Variants in ZNF317 observed in about 807,000 individuals in gnomAD.
ZNF317 encodes the protein zinc finger protein 317, also known as KRAB-containing zinc finger protein 317.
A neutral mutation model predicts 23.4 loss-of-function variants in ZNF317; 17 were observed. The ratio of observed to expected loss-of-function variants is 0.73; its 90% CI spans 0.50 to 1.09. The LOEUF is 1.09. Among genes scored for constraint, ZNF317 ranks in the 50% least tolerant of loss-of-function variants. The pLI, the probability that ZNF317 is intolerant of heterozygous loss-of-function variation, is 0.00. For missense variants in ZNF317, 679 were observed against 796.7 expected, an observed-to-expected ratio of 0.85 and a Z score of 1.78; for synonymous variants, 317 against 314.9, an observed-to-expected ratio of 1.01 and a Z score of -0.07.
At chr19:9,152,474 TG>T (rs1309234380) in intron 1 of ZNF317, among the ~76,000 whole-genome samples, 1 of 152,214 alleles carries the variant, frequency 6.6e-6, no homozygotes, top group Non-Finnish European at 1.5e-5. Flanking sequence ...ACATTACCCC[TG>T]AACTCCACCT....
At chr19:9,148,786 A>G (rs2050710356) in intron 1 of ZNF317, among the ~76,000 whole-genome samples, 2 of 152,360 alleles carry the variant, frequency 1.3e-5, no homozygotes, top group African/African-American at 4.8e-5. Flanking sequence ...TGGAGGAGAC[A>G]GCAGAGAGAT....
chr19:9,145,803 A>G (rs1162943315), intron 1 of ZNF317, among the ~76,000 whole-genome samples: 2 of 152,104 alleles, frequency 1.3e-5, no homozygotes, highest in African/African-American at 2.4e-5. Context: ...CTTCCCTTGC[A>G]TTTATTGCTA....
intron 1 of ZNF317, among the ~76,000 whole-genome samples, chr19:9,146,631 T>C (rs1248199960): frequency 1.3e-5 from 2 of 151,604 alleles, no homozygotes; most frequent in African/African-American, 4.8e-5. Context: ...GGTTTCACCA[T>C]GTTGGCCAGG....
chr19:9,142,963 A>T lies in ZNF317; in HGVS notation c.-93+2371A>T, dbSNP rs142957271. Among the ~76,000 whole-genome samples the T allele has an allele frequency of 6.1e-3, 933 of 152,332 alleles. 12 individuals carry two copies. The highest frequency in any genetic ancestry group is 0.022 in the African/African-American group (907 of 41,576). On this transcript the variant is annotated intron_variant, in intron 1 of 6. Transcript: ENST00000247956. ...TTTTCTAAACTCTGGAATGTTTTGC[A>T]TAAGAATAGAATATTTTGTTCCTTA...
intron 4 of ZNF317, chr19:9,157,727 C>G: frequency 1.4e-6 from 1 of 698,398 alleles, no homozygotes; most frequent in Non-Finnish European, 2.0e-6. Context: ...AGGGTTCTCA[C>G]TATGTTGCCC....
intron 1 of ZNF317, among the ~76,000 whole-genome samples, chr19:9,147,438 T>G (rs2050695631): frequency 6.6e-6 from 1 of 150,838 alleles, no homozygotes; most frequent in South Asian, 2.1e-4. Context: ...CTCCTGGGTT[T>G]CACACCATTC....
chr19:9,142,173 T>C (rs1285832026), intron 1 of ZNF317, among the ~76,000 whole-genome samples: 3 of 152,238 alleles, frequency 2.0e-5, no homozygotes, highest in African/African-American at 7.2e-5. Context: ...TCTTGGGAAC[T>C]TTGTTTTTTG....
intron 5 of ZNF317, among the ~76,000 whole-genome samples, chr19:9,158,363 CTTTTTTTTTTTTTTTTTT>C (rs200591339): frequency 1.7e-4 from 13 of 76,536 alleles, no homozygotes; most frequent in Non-Finnish European, 2.3e-4. Context: ...TTTCTTTTTT[CTTTTTTTTTTTTTTTTTT>C]TTTTTTTTTT....
Position 9,161,737 on chromosome 19 carries a change from G to T in ZNF317, c.*304G>T. 1 of 327,082 alleles carries T rather than the reference G, an allele frequency of 3.1e-6. No homozygotes were observed. The highest frequency in any genetic ancestry group is 5.7e-6 in the Non-Finnish European group (1 of 176,912). The allele number at this position is 327,082 out of a possible 1,614,324, so 20.3% of individuals were successfully genotyped here. A position where few individuals can be genotyped will look rare whatever the true frequency, so the allele number is the denominator to read the frequency against. On this transcript the variant is annotated 3_prime_UTR_variant, in exon 7 of 7. Coordinates refer to ENST00000247956, the MANE Select transcript of ZNF317 (RefSeq NM_020933.5). This position sits in a 1 kb window ranked among gnomAD's most constrained non-coding sequence, Gnocchi z 4.0. ...GGCATTTAATGTCAAAATCCAAGCC[G>T]TGGCATTTAATGTCAAAATGACTTC...
At chr19:9,145,748 A>G (rs1179052480) in intron 1 of ZNF317, among the ~76,000 whole-genome samples, 1 of 152,050 alleles carries the variant, frequency 6.6e-6, no homozygotes. Context: ...TTCTGCCCCC[A>G]CGTGGTTCTT....
intron 1 of ZNF317, among the ~76,000 whole-genome samples, chr19:9,150,049 A>G (rs913643813): frequency 6.6e-6 from 1 of 152,126 alleles, no homozygotes; most frequent in Non-Finnish European, 1.5e-5. Flanking sequence ...AAGGCTTTTG[A>G]CTTGAGCCCC....
At chr19:9,157,681 C>CTTTTTTTTT (rs566513253) in intron 4 of ZNF317, 12 of 346,344 alleles carry the variant, frequency 3.5e-5, no homozygotes, top group South Asian at 9.5e-5. Context: ...TTTCCTATTT[C>CTTTTTTTTT]TTTTTTTTTT....
In ZNF317 at chr19:9,162,332, T is replaced by G. The variant is rs971007956; in HGVS notation, c.*899T>G. 6.6e-6 allele frequency: 1 copy of G among 152,206 alleles called. No homozygotes were observed. The highest frequency in any genetic ancestry group is 1.5e-5 in the Non-Finnish European group (1 of 68,032). The allele number at this position is 152,206 out of a possible 1,614,324, so 9.4% of individuals were successfully genotyped here. ...TTGAAAATAATCATGCAGTCATTCC[T>G]CAATTACTGCCTGCAGCAATTCCTC... is the stretch of plus-strand genomic sequence containing the variant. On this transcript the variant is annotated 3_prime_UTR_variant, in exon 7 of 7. Transcript: ENST00000247956.
rs763229027 is a variant in ZNF317, at chr19:9,160,716, G to A, written c.1071G>A (p.Thr357=). Residue 357 remains threonine, a synonymous_variant, in exon 7 of 7, where the codon ACG becomes ACA. Coordinates refer to ENST00000247956, the MANE Select transcript of ZNF317 (RefSeq NM_020933.5). The surrounding 1 kb of genome is among the most constrained non-coding windows in gnomAD (Gnocchi z 6.8). ...SHLKEHVRNH[T]GEKPYACTQC... ...TCAAAGAGCACGTGAGGAATCACAC[G>A]GGGGAGAAGCCCTACGCGTGCACGC... is the stretch of plus-strand genomic sequence containing the variant. The A allele has an allele frequency of 3.7e-6, 6 of 1,614,108 alleles. No homozygotes were observed. The highest frequency in any genetic ancestry group is 2.2e-5 in the East Asian group (1 of 44,854).
intron 1 of ZNF317, among the ~76,000 whole-genome samples, chr19:9,150,843 G>A (rs922300682): frequency 6.6e-6 from 1 of 152,216 alleles, no homozygotes; most frequent in Non-Finnish European, 1.5e-5. Flanking sequence ...GAGGCAACAA[G>A]ATGTGGCTCC....
chr19:9,157,422 T>C (rs770439800), intron 4 of ZNF317, 28 bp downstream of exon 4: 5 of 1,613,280 alleles, frequency 3.1e-6, no homozygotes, highest in East Asian at 2.2e-5. Flanking sequence ...TCTCCACTTA[T>C]TCATCCATGA....
intron 6 of ZNF317, among the ~76,000 whole-genome samples, chr19:9,159,721 A>G (rs887327928): frequency 6.6e-6 from 1 of 151,332 alleles, no homozygotes; most frequent in Non-Finnish European, 1.5e-5. Flanking sequence ...TAATTTTTGT[A>G]TTTTTAGTAG....
chr19:9,157,927 G>A, intron 4 of ZNF317, 53 bp from the exon 5 acceptor site: 1 of 1,537,228 alleles, frequency 6.5e-7, no homozygotes, highest in Non-Finnish European at 8.8e-7. Context: ...CTACTGGAAG[G>A]GGTTGTCCTC....
At chr19:9,146,853 G>T (rs1360457654) in intron 1 of ZNF317, among the ~76,000 whole-genome samples, 1 of 152,168 alleles carries the variant, frequency 6.6e-6, no homozygotes, top group African/African-American at 2.4e-5. Context: ...AATATCCTGG[G>T]ATACTGTGAT....
Sources: allele counts gnomAD v4.1 joint callset (sites outside exome capture counted in the v4.1 genomes callset), GRCh38; gene constraint gnomAD v4.1.1; non-coding constraint Gnocchi (gnomAD v3.1); transcripts MANE v1.5; gene names NCBI Gene and HGNC (gene_info 2026-07-23, HGNC 2026-07-21).